Variants in EXTL3 observed in about 807,000 individuals in gnomAD.
EXTL3 encodes exostosin-like 3.
A neutral mutation model predicts 69.3 loss-of-function variants in EXTL3; 27 were observed. The ratio of observed to expected loss-of-function variants is 0.39; its 90% CI spans 0.29 to 0.54. EXTL3 has a LOEUF of 0.54. Ranked by LOEUF, EXTL3 falls within the 20% of genes least tolerant of loss-of-function variation. The pLI, the probability that EXTL3 is intolerant of heterozygous loss-of-function variation, is 0.69. For missense variants in EXTL3, 1,003 were observed against 1,231.8 expected, an observed-to-expected ratio of 0.81 and a Z score of 2.78; for synonymous variants, 511 against 499.4, an observed-to-expected ratio of 1.02 and a Z score of -0.31.
At chr8:28,738,065 C>G (rs1305125588) in intron 5 of EXTL3, among the ~76,000 whole-genome samples, 1 of 152,194 alleles carries the variant, frequency 6.6e-6, no homozygotes, top group Non-Finnish European at 1.5e-5. Context: ...TGTCCCGGGC[C>G]CCACGATGAG....
At chr8:28,728,932 A>G (rs1388865454) in intron 3 of EXTL3, among the ~76,000 whole-genome samples, 1 of 152,150 alleles carries the variant, frequency 6.6e-6, no homozygotes, top group African/African-American at 2.4e-5. Context: ...TCAAGTAAAC[A>G]AGGGATCATC....
At chr8:28,663,011 T>G (rs1037612081) in intron 1 of EXTL3, among the ~76,000 whole-genome samples, 9 of 152,216 alleles carry the variant, frequency 5.9e-5, no homozygotes, top group African/African-American at 2.2e-4. Flanking sequence ...GTACTATCAG[T>G]TAATTCTTTG....
At chr8:28,729,899 G>A (rs937454192) in intron 3 of EXTL3, among the ~76,000 whole-genome samples, 13 of 150,972 alleles carry the variant, frequency 8.6e-5, no homozygotes, top group African/African-American at 3.2e-4. Flanking sequence ...CTTGCCAGTT[G>A]TATGACATCA....
intron 1 of EXTL3, among the ~76,000 whole-genome samples, chr8:28,657,655 T>C (rs1305595522): frequency 6.7e-6 from 1 of 149,696 alleles, no homozygotes; most frequent in South Asian, 2.1e-4. Flanking sequence ...GTACACTCTA[T>C]TTTTTTGCTT....
intron 5 of EXTL3, among the ~76,000 whole-genome samples, chr8:28,738,662 T>G (rs942752974): frequency 2.6e-5 from 4 of 152,170 alleles, no homozygotes; most frequent in African/African-American, 9.7e-5. Flanking sequence ...CCCTGAGTCT[T>G]CTCTGAGGAC....
chr8:28,635,285 T>C (rs958683010), intron 1 of EXTL3, among the ~76,000 whole-genome samples: 3 of 150,526 alleles, frequency 2.0e-5, no homozygotes, highest in Non-Finnish European at 4.4e-5. Flanking sequence ...AAGCAAGGAA[T>C]GGTGGCACAC....
At chr8:28,632,868 T>C (rs2130565772) in intron 1 of EXTL3, among the ~76,000 whole-genome samples, 1 of 152,236 alleles carries the variant, frequency 6.6e-6, no homozygotes, top group Admixed American at 6.5e-5. Context: ...TTATTCTTAA[T>C]AGCAACTCTC....
chr8:28,747,704 C>T (rs1033763014), intron 6 of EXTL3, among the ~76,000 whole-genome samples: 3 of 149,696 alleles, frequency 2.0e-5, no homozygotes, highest in Admixed American at 6.7e-5. Context: ...TGTAAAAATA[C>T]GTATATATGT....
rs1802070943 is a variant in EXTL3, at chr8:28,754,141, GGTCATGCCCC to G, written c.*3276_*3285del. ...TGTGAATGGCTCGATTCGGTCCATA[GGTCATGCCCC>G]TGACCTATAGGTCACTAAGGCACCT... On this transcript the variant is annotated 3_prime_UTR_variant, in exon 7 of 7. Transcript: ENST00000220562. 1.3e-5 allele frequency: 2 copies of G among 152,024 alleles called. No individual in the cohort carries two copies. The highest frequency in any genetic ancestry group is 2.9e-5 in the Non-Finnish European group (2 of 68,126). 9.4% of individuals were successfully genotyped at this position (152,024 alleles called of 1,614,324 possible).
intron 2 of EXTL3, among the ~76,000 whole-genome samples, chr8:28,616,012 G>T (rs1229842598): frequency 2.0e-5 from 3 of 151,236 alleles, no homozygotes; most frequent in Non-Finnish European, 4.4e-5. Context: ...TGGCAGGCGG[G>T]TCACTTGAGG....
chr8:28,623,830 CCTT>C lies in EXTL3; in HGVS notation c.-53+1021_-53+1023del, dbSNP rs1483587803. Reference sequence around the variant, plus strand: ...ATATTCATCAGGTAAACATGATCCTCCTTAACAAATTTGCTGCTCGTAAAAGGC... The same window carrying C: ...ATATTCATCAGGTAAACATGATCCTCAACAAATTTGCTGCTCGTAAAAGGC... On this transcript the variant is annotated intron_variant, in intron 1 of 6. Coordinates refer to the EXTL3 transcript ENST00000523149. The surrounding 1 kb of genome is among the most constrained non-coding windows in gnomAD (Gnocchi z 4.2). Among the ~76,000 whole-genome samples the C allele has an allele frequency of 1.3e-5, 2 of 152,160 alleles. No individual in the cohort carries two copies. Among genetic ancestry groups the C allele is most frequent in the Non-Finnish European group, 2.9e-5 (2 of 68,044 alleles).
chr8:28,655,799 AT>A (rs1807000971), intron 1 of EXTL3, among the ~76,000 whole-genome samples: 1 of 152,172 alleles, frequency 6.6e-6, no homozygotes, highest in African/African-American at 2.4e-5. Flanking sequence ...GGCCTAAATC[AT>A]TCTTTCTTAA....
intron 1 of EXTL3, among the ~76,000 whole-genome samples, chr8:28,669,764 A>G (rs1298764851): frequency 2.6e-5 from 4 of 152,096 alleles, no homozygotes; most frequent in Admixed American, 6.5e-5. Context: ...GAATATTACA[A>G]TGGGTGTCTA....
intron 1 of EXTL3, among the ~76,000 whole-genome samples, chr8:28,648,670 G>T (rs1007268450): frequency 2.0e-5 from 3 of 151,970 alleles, no homozygotes; most frequent in African/African-American, 7.2e-5. Context: ...TGAGTGAGGT[G>T]TGTGTCATTA....
intron 1 of EXTL3, among the ~76,000 whole-genome samples, chr8:28,667,179 A>G (rs1807210038): frequency 6.6e-6 from 1 of 152,210 alleles, no homozygotes; most frequent in East Asian, 1.9e-4. Flanking sequence ...TTTCAAGACT[A>G]TTGCATTGGG....
At position 28,716,665 on chromosome 8, in the gene EXTL3, C is replaced by T; in HGVS notation, c.606C>T (p.Asp202=). The change falls in exon 3 of 7, where the codon GAC becomes GAT. Residue 202 remains aspartate, a synonymous_variant. Transcript: ENST00000220562. This position sits in a 1 kb window ranked among gnomAD's most constrained non-coding sequence, Gnocchi z 7.1. ...SGFPVYVYDS[D]QFVFGSYLDP... is the part of the protein sequence containing the mutation. ...TCCCGGTCTACGTCTATGACAGTGA[C>T]CAGTTTGTCTTTGGCAGCTACCTGG... The T allele has an allele frequency of 6.2e-7, 1 of 1,614,228 alleles. No individual in the cohort carries two copies. Among genetic ancestry groups the T allele is most frequent in the Non-Finnish European group, 8.5e-7 (1 of 1,180,052 alleles).
chr8:28,617,206 C>T (rs149768489), intron 2 of EXTL3, among the ~76,000 whole-genome samples: 1 of 152,142 alleles, frequency 6.6e-6, no homozygotes, highest in South Asian at 2.1e-4. Context: ...ACCAACACCC[C>T]GTTCCGAGAA....
rs180762998 is a variant in EXTL3, at chr8:28,716,430, C to T, written c.371C>T (p.Ala124Val). 6.2e-7 allele frequency: 1 copy of T among 1,613,758 alleles called. No homozygotes were observed. Among genetic ancestry groups the T allele is most frequent in the East Asian group, 2.2e-5 (1 of 44,882 alleles). The change falls in exon 3 of 7, where the codon GCC (alanine) becomes GTC (valine). Residue 124 changes from alanine to valine, a missense_variant. Physicochemically the swap from Ala to Val is moderately conservative, Grantham distance 64 (BLOSUM62 0). This residue lies in a region of EXTL3 where 742 missense variants were observed against 815.4 expected (regional missense o/e 0.91). Coordinates refer to ENST00000220562, the MANE Select transcript of EXTL3 (RefSeq NM_001440.4). This position sits in a 1 kb window ranked among gnomAD's most constrained non-coding sequence, Gnocchi z 7.1. ...GCCTGTAAGAAGAGCATTGAGAACG[C>T]CAAGCAGGACCTGCTCCAGCTCAAG... The part of the protein sequence containing the change: ...IEACKKSIEN[A>V]KQDLLQLKNV...
At chr8:28,608,242 T>A (rs1806225078) in intron 2 of EXTL3, among the ~76,000 whole-genome samples, 2 of 152,088 alleles carry the variant, frequency 1.3e-5, no homozygotes, top group African/African-American at 4.8e-5. Flanking sequence ...TTGGGACCCC[T>A]TGGGAAAGGG....
Sources: allele counts gnomAD v4.1 joint callset (sites outside exome capture counted in the v4.1 genomes callset), GRCh38; gene constraint gnomAD v4.1.1; regional missense constraint gnomAD v4.1.1; non-coding constraint Gnocchi (gnomAD v3.1); transcripts MANE v1.5; gene names NCBI Gene and HGNC (gene_info 2026-07-23, HGNC 2026-07-21).